FAM227B: variants seen among roughly 807,000 people sequenced by gnomAD.
FAM227B encodes the protein protein FAM227B.
A neutral mutation model predicts 73.8 loss-of-function variants in FAM227B; 88 were observed. The ratio of observed to expected loss-of-function variants is 1.19; its 90% CI spans 1.00 to 1.42. The LOEUF (loss-of-function observed/expected upper bound fraction) is 1.42, where lower values mean the gene tolerates loss of function less well. Among genes scored for constraint, FAM227B ranks in the 40% most tolerant of loss-of-function variants. FAM227B has a pLI of 0.00. For missense variants in FAM227B, 632 were observed against 590.9 expected (o/e 1.07, Z -0.72); for synonymous variants, 210 against 190.5 (o/e 1.10, Z -0.84).
intron 11 of FAM227B, chr15:49,396,367 T>C (rs759968530): frequency 5.4e-4 from 141 of 261,262 alleles, no homozygotes; most frequent in African/African-American, 2.8e-3. Context: ...GTCTCGCTGA[T>C]TGCTAGCACA....
chr15:49,417,781 A>T (rs1193500925), intron 11 of FAM227B, among the ~76,000 whole-genome samples: 1 of 152,232 alleles, frequency 6.6e-6, no homozygotes, highest in East Asian at 1.9e-4. Flanking sequence ...CATGACAAAC[A>T]TGCCAAAAGC....
intron 3 of FAM227B, among the ~76,000 whole-genome samples, chr15:49,596,687 A>G (rs2076904167): frequency 6.6e-6 from 1 of 152,014 alleles, no homozygotes; most frequent in African/African-American, 2.4e-5. Context: ...GGCAGAATGG[A>G]TAAGAATTCA....
chr15:49,385,334 T>G (rs910387155), intron 11 of FAM227B, among the ~76,000 whole-genome samples: 4 of 151,938 alleles, frequency 2.6e-5, no homozygotes, highest in African/African-American at 9.7e-5. Flanking sequence ...TTAAGTGACC[T>G]TAGGCAAATT....
chr15:49,565,477 G>C (rs2074583965), intron 9 of FAM227B, among the ~76,000 whole-genome samples: 1 of 151,680 alleles, frequency 6.6e-6, no homozygotes, highest in Non-Finnish European at 1.5e-5. Flanking sequence ...TTCCTCTCAG[G>C]GAGTGACTCA....
chr15:49,386,259 ATC>A (rs1328325479), intron 11 of FAM227B, among the ~76,000 whole-genome samples: 3 of 151,536 alleles, frequency 2.0e-5, no homozygotes, highest in Non-Finnish European at 4.4e-5. Context: ...CATAAAACAA[ATC>A]TCAATAAATT....
chr15:49,609,134 TG>T (rs2077719788), intron 3 of FAM227B, among the ~76,000 whole-genome samples: 1 of 151,652 alleles, frequency 6.6e-6, no homozygotes, highest in South Asian at 2.1e-4. Flanking sequence ...GTAAGAGAGC[TG>T]ACACTGATAC....
chr15:49,404,069 T>C lies in FAM227B; in HGVS notation c.1013-32670A>G, dbSNP rs78524812. On this transcript the variant is annotated intron_variant, in intron 11 of 15. Coordinates refer to ENST00000299338, the MANE Select transcript of FAM227B (RefSeq NM_152647.3). ...TCAATTTCCATGTAATTGTATGATT[T>C]TGAATGCATTTCTTATTCTTGATTT... 8.7e-3 allele frequency among the ~76,000 whole-genome samples: 1,320 copies of C among 152,320 alleles called. 31 individuals carry two copies. The highest frequency in any genetic ancestry group is 0.05 in the Admixed American group (763 of 15,286).
intron 11 of FAM227B, chr15:49,423,269 C>T (rs1289671020): frequency 6.6e-6 from 1 of 152,154 alleles, no homozygotes; most frequent in African/African-American, 2.4e-5. Flanking sequence ...CACACGCGCT[C>T]ACACACAGAG....
intron 5 of FAM227B, among the ~76,000 whole-genome samples, chr15:49,586,010 C>A (rs1406654273): frequency 1.3e-5 from 2 of 152,044 alleles, no homozygotes; most frequent in Admixed American, 6.6e-5. Context: ...ACATTATTCA[C>A]AGAACTAGAA....
intron 13 of FAM227B, among the ~76,000 whole-genome samples, chr15:49,342,741 A>G (rs147658179): frequency 2.6e-5 from 4 of 152,208 alleles, no homozygotes; most frequent in Non-Finnish European, 4.4e-5. Context: ...GAATTCCCTT[A>G]GTGCTTGCGT....
intron 11 of FAM227B, among the ~76,000 whole-genome samples, chr15:49,441,481 C>CAGGAGCTCCAG (rs2051636911): frequency 6.6e-6 from 1 of 151,676 alleles, no homozygotes; most frequent in African/African-American, 2.4e-5. Flanking sequence ...ACAGTTCCAA[C>CAGGAGCTCCAG]AGGAGCTCCA....
chr15:49,507,022 A>T (rs1209009936), intron 11 of FAM227B, among the ~76,000 whole-genome samples: 1 of 152,012 alleles, frequency 6.6e-6, no homozygotes, highest in Non-Finnish European at 1.5e-5. Context: ...CAAAACAGAT[A>T]AACAAAATTG....
At chr15:49,369,193 GAGATCCGCCCAC>G (rs1469328747) in intron 12 of FAM227B, among the ~76,000 whole-genome samples, 2 of 151,958 alleles carry the variant, frequency 1.3e-5, no homozygotes, top group Admixed American at 1.3e-4. Context: ...TCCTGACCTC[GAGATCCGCCCAC>G]CTCGGCCTCC....
rs1567383201 is a variant in FAM227B at position 49,489,871 on chromosome 15, TATATATATATATAG to T, written c.1012+18326_1012+18339del. Among the ~76,000 whole-genome samples the T allele has an allele frequency of 1.8e-3, 29 of 15,824 alleles. 8 individuals are homozygous for T. Among genetic ancestry groups the T allele is most frequent in the Admixed American group, 0.011 (7 of 634 alleles). 10.4% of individuals were successfully genotyped at this position (15,824 alleles called of 152,430 possible). ...TATATATATATATTTTATATATATATATATATATATATAGAGAGAGAGAGAGAGAGAGAGAGAGA... is the reference window on the plus strand; with the variant it reads ...TATATATATATATTTTATATATATATAGAGAGAGAGAGAGAGAGAGAGAGA... On this transcript the variant is annotated intron_variant, in intron 11 of 15. Transcript: ENST00000299338.
chr15:49,570,643 C>A (rs1443547117), intron 8 of FAM227B, among the ~76,000 whole-genome samples: 2 of 151,446 alleles, frequency 1.3e-5, no homozygotes, highest in African/African-American at 4.8e-5. Context: ...CACCCTCGGC[C>A]TCTGATAACT....
rs768211728 is a variant in FAM227B at position 49,327,917 on chromosome 15, TA to T, written c.*650del. The T allele has an allele frequency of 3.3e-5, 52 of 1,581,676 alleles. No individual in the cohort carries two copies. Among genetic ancestry groups the T allele is most frequent in the Admixed American group, 5.3e-5 (3 of 56,794 alleles). On this transcript the variant is annotated 3_prime_UTR_variant, in exon 16 of 16. Coordinates refer to ENST00000299338, the MANE Select transcript of FAM227B (RefSeq NM_152647.3). ...CAAGCAAATCCCTTGTATTTTCATT[TA>T]TAGGTTCTAATATTTTTTTCCTCAC...
At chr15:49,451,579 T>C (rs1482676901) in intron 11 of FAM227B, among the ~76,000 whole-genome samples, 2 of 152,128 alleles carry the variant, frequency 1.3e-5, no homozygotes, top group Admixed American at 1.3e-4. Context: ...TTAGAATTCC[T>C]CTTCAATTCA....
chr15:49,508,529 C>A (rs541394790), intron 10 of FAM227B, among the ~76,000 whole-genome samples, 181 bp from the exon 11 acceptor site: 12 of 151,954 alleles, frequency 7.9e-5, no homozygotes, highest in African/African-American at 2.4e-4. Flanking sequence ...ACATCTGTAT[C>A]CTCAGCAATA....
chr15:49,591,484 CTTTTTT>C (rs71120696), intron 3 of FAM227B, among the ~76,000 whole-genome samples: 1 of 55,348 alleles, frequency 1.8e-5, no homozygotes, highest in Non-Finnish European at 3.4e-5. Flanking sequence ...CCCTTCCTTC[CTTTTTT>C]TTTTTTTTTT....
Sources: allele counts gnomAD v4.1 joint callset (sites outside exome capture counted in the v4.1 genomes callset), GRCh38; gene constraint gnomAD v4.1.1; transcripts MANE v1.5; gene names NCBI Gene and HGNC (gene_info 2026-07-23, HGNC 2026-07-21).